The following MAP4K4 variants were observed in gnomAD, a reference collection of about 807,000 sequenced individuals.
MAP4K4 encodes mitogen-activated protein kinase kinase kinase kinase 4.
MAP4K4 carries 38 observed loss-of-function variants against 189.6 expected under a neutral mutation model. The observed-to-expected ratio is 0.20, with a 90% CI of 0.15 to 0.26. MAP4K4 has a LOEUF of 0.26. Among genes scored for constraint, MAP4K4 ranks in the 10% least tolerant of loss-of-function variants. The probability of loss-of-function intolerance (pLI) is 1.00; values close to 1 mark genes in which losing one functional copy is unlikely to be tolerated. For missense variants in MAP4K4, 1,054 were observed against 1,726.9 expected, an observed-to-expected ratio of 0.61 and a Z score of 6.91; for synonymous variants, 610 against 624.3, an observed-to-expected ratio of 0.98 and a Z score of 0.34.
intron 18 of MAP4K4, among the ~76,000 whole-genome samples, chr2:101,865,936 A>T (rs2097796474): frequency 6.6e-6 from 1 of 152,172 alleles, no homozygotes; most frequent in South Asian, 2.1e-4. Flanking sequence ...GGGTCCATCC[A>T]TGGCAGGAAA....
intron 2 of MAP4K4, among the ~76,000 whole-genome samples, chr2:101,756,986 C>T (rs1276190316): frequency 1.3e-5 from 2 of 152,016 alleles, no homozygotes; most frequent in East Asian, 3.9e-4. Flanking sequence ...TCTTTAACAC[C>T]GTTATTGATT....
chr2:101,741,767 A>G (rs1174484501), intron 2 of MAP4K4, among the ~76,000 whole-genome samples: 1 of 152,224 alleles, frequency 6.6e-6, no homozygotes, highest in Admixed American at 6.5e-5. Flanking sequence ...CCTGGGTTTG[A>G]GTCCCTTTTC....
intron 5 of MAP4K4, among the ~76,000 whole-genome samples, chr2:101,825,972 A>G (rs575156678): frequency 9.2e-5 from 14 of 152,364 alleles, no homozygotes; most frequent in Admixed American, 1.3e-4. Context: ...AGCAGCTTTT[A>G]AATGGTTCTT....
At chr2:101,893,398 C>A in exon 33 of MAP4K4, 1 of 366,720 alleles carries the variant, frequency 2.7e-6, no homozygotes, top group Admixed American at 3.6e-5. Context: ...AAAAATTAAT[C>A]CTACCTTTAA....
At chr2:101,887,782 A>C in exon 31 of MAP4K4, 5 of 1,607,320 alleles carry the variant, frequency 3.1e-6, no homozygotes, top group Non-Finnish European at 3.4e-6. Context: ...CTCTAGATCC[A>C]GTGTAGCATC....
At chr2:101,739,909 C>G (rs2061878485) in intron 2 of MAP4K4, among the ~76,000 whole-genome samples, 1 of 152,172 alleles carries the variant, frequency 6.6e-6, no homozygotes, top group Non-Finnish European at 1.5e-5. Context: ...GGCAGTCACT[C>G]TCTCATCTCA....
intron 23 of MAP4K4, among the ~76,000 whole-genome samples, chr2:101,870,892 TTTCTC>T (rs1035045919): frequency 8.5e-5 from 13 of 152,144 alleles, no homozygotes; most frequent in Admixed American, 7.8e-4. Context: ...GTTCGGGAGG[TTTCTC>T]TTCTATGTTC....
chr2:101,838,095 C>T (rs144729899), intron 9 of MAP4K4, among the ~76,000 whole-genome samples: 1 of 152,284 alleles, frequency 6.6e-6, no homozygotes, highest in East Asian at 1.9e-4. Flanking sequence ...GATCAGTGTC[C>T]TTCTGCCAGC....
At chr2:101,775,329 G>C (rs1414413736) in intron 2 of MAP4K4, among the ~76,000 whole-genome samples, 1 of 151,396 alleles carries the variant, frequency 6.6e-6, no homozygotes, top group African/African-American at 2.4e-5. Context: ...TCCTCTGCTT[G>C]TATTTCCTGT....
intron 13 of MAP4K4, among the ~76,000 whole-genome samples, chr2:101,856,454 T>A (rs1030583893): frequency 6.6e-6 from 1 of 152,076 alleles, no homozygotes; most frequent in African/African-American, 2.4e-5. Flanking sequence ...TTAAATGCTG[T>A]AGACCCCAAA....
Position 101,870,088 on chromosome 2 carries a change from A to G in MAP4K4, c.2640-207A>G, listed in dbSNP as rs1048374749. 2.7e-5 allele frequency: 17 copies of G among 628,974 alleles called. No individual in the cohort carries two copies. The African/African-American group carries it at 3.1e-4, about 12-fold the overall frequency. The allele number at this position is 628,974 out of a possible 1,614,324, so 39.0% of individuals were successfully genotyped here. On this transcript the variant is annotated intron_variant, in intron 22 of 32. Transcript: ENST00000324219. ...ATAACTACTTTAATTAGCCATAATT[A>G]TTCATTCTAAGTTTTTGCTCAGAAA...
chr2:101,698,622 T>A, intron 2 of MAP4K4, 84 bp downstream of exon 2: 1 of 1,353,564 alleles, frequency 7.4e-7, no homozygotes, highest in East Asian at 2.3e-5. Flanking sequence ...AACATGCTGC[T>A]GACTGGAGGC....
Position 101,854,436 on chromosome 2 carries a change from G to A in MAP4K4, c.1234-1541G>A, listed in dbSNP as rs971183074. ...TCGAAGAGCAGAGAATGGGGGAAAA[G>A]GAGATTCCCCCATTGAAAACCTAGA... On this transcript the variant is annotated intron_variant, in intron 12 of 32. Transcript: ENST00000324219. Among the ~76,000 whole-genome samples, 3 of 152,162 alleles carry A rather than the reference G, an allele frequency of 2.0e-5. No homozygotes were observed. In the East Asian group the frequency reaches 5.8e-4, roughly 29 times the overall value.
chr2:101,809,328 TG>T (rs2095260826), intron 3 of MAP4K4, among the ~76,000 whole-genome samples: 1 of 151,048 alleles, frequency 6.6e-6, no homozygotes. Flanking sequence ...ATTGTCTGTC[TG>T]AACAAGCACT....
intron 2 of MAP4K4, among the ~76,000 whole-genome samples, chr2:101,786,186 G>C (rs562335154): frequency 2.6e-5 from 4 of 152,158 alleles, no homozygotes; most frequent in Admixed American, 2.6e-4. Context: ...CTACCTCTAG[G>C]CTCCTCTCTA....
intron 25 of MAP4K4, 55 bp downstream of exon 25, chr2:101,873,819 T>C: frequency 7.6e-7 from 1 of 1,314,978 alleles, no homozygotes. Context: ...ATCTTTGAGT[T>C]GCTCTTTTGG....
intron 12 of MAP4K4, among the ~76,000 whole-genome samples, chr2:101,844,564 A>C (rs2097030037): frequency 6.6e-6 from 1 of 152,120 alleles, no homozygotes; most frequent in African/African-American, 2.4e-5. Context: ...TCATCAACAT[A>C]CTGTGTTAGA....
intron 2 of MAP4K4, among the ~76,000 whole-genome samples, chr2:101,706,835 A>C (rs1209153599): frequency 6.6e-6 from 1 of 152,194 alleles, no homozygotes; most frequent in Admixed American, 6.5e-5. Context: ...TATGGGTATT[A>C]AGGTTTTAAG....
chr2:101,798,604 C>G (rs1346627398), intron 3 of MAP4K4, among the ~76,000 whole-genome samples: 1 of 152,154 alleles, frequency 6.6e-6, no homozygotes, highest in Admixed American at 6.5e-5. Flanking sequence ...CACCACATCT[C>G]CCAGTTCACT....
Sources: allele counts gnomAD v4.1 joint callset (sites outside exome capture counted in the v4.1 genomes callset), GRCh38; gene constraint gnomAD v4.1.1; transcripts MANE v1.5; gene names NCBI Gene and HGNC (gene_info 2026-07-23, HGNC 2026-07-21).